CREB5: variants seen among roughly 807,000 people sequenced by gnomAD.
The protein encoded by CREB5 is cyclic AMP-responsive element-binding protein 5.
In CREB5, 19 loss-of-function variants were observed where a neutral mutation model predicts 57.1. The observed-to-expected ratio is 0.33, with a 90% CI of 0.23 to 0.49. CREB5 has a LOEUF of 0.49. CREB5 is among the 20% of genes least tolerant of loss of function. CREB5 has a pLI of 0.99. For missense variants in CREB5, 579 were observed against 671.6 expected (o/e 0.86, Z 1.52); for synonymous variants, 238 against 238.3 (o/e 1.00, Z 0.01).
intron 5 of CREB5, among the ~76,000 whole-genome samples, chr7:28,672,756 G>A (rs1379808793): frequency 1.3e-5 from 2 of 152,172 alleles, no homozygotes; most frequent in African/African-American, 4.8e-5. Flanking sequence ...ACTCAGAAGG[G>A]GGTCTGGAGT....
intron 1 of CREB5, among the ~76,000 whole-genome samples, chr7:28,371,605 C>G (rs1056713640): frequency 1.3e-5 from 2 of 152,186 alleles, no homozygotes; most frequent in Non-Finnish European, 2.9e-5. Flanking sequence ...CACCATGGCC[C>G]CAGCAGTCCT....
chr7:28,641,663 A>G (rs1041359884), intron 5 of CREB5, among the ~76,000 whole-genome samples: 1 of 152,064 alleles, frequency 6.6e-6, no homozygotes, highest in African/African-American at 2.4e-5. Context: ...TAGCTACATC[A>G]TTTTCTCTGC....
rs141357187 is a variant in CREB5, at chr7:28,646,801, T to A, written c.465-71952T>A. Among the ~76,000 whole-genome samples the A allele has an allele frequency of 5.3e-3, 812 of 152,268 alleles. 9 individuals carry two copies. Among genetic ancestry groups the A allele is most frequent in the Admixed American group, 9.2e-3 (140 of 15,282 alleles). ...AATCCTTTTGCAAATGAGATTTTTT[T>A]AAAATTGGGCTGCCACCATTATTTA... On this transcript the variant is annotated intron_variant, in intron 5 of 10. Transcript: ENST00000357727.
chr7:28,324,003 C>A (rs1450060748), intron 1 of CREB5, among the ~76,000 whole-genome samples: 1 of 152,096 alleles, frequency 6.6e-6, no homozygotes, highest in East Asian at 1.9e-4. Context: ...AATGCCCGTG[C>A]TGATCTGACA....
chr7:28,357,272 C>G (rs1786365604), intron 1 of CREB5, among the ~76,000 whole-genome samples: 3 of 152,202 alleles, frequency 2.0e-5, no homozygotes. Context: ...TGAAAAGCAG[C>G]TTCCTCTGGG....
intron 1 of CREB5, among the ~76,000 whole-genome samples, chr7:28,423,843 C>A (rs952841899): frequency 2.0e-5 from 3 of 152,166 alleles, no homozygotes; most frequent in Admixed American, 6.5e-5. Context: ...GAGAAAGGCA[C>A]CCCCTCCTCC....
intron 1 of CREB5, among the ~76,000 whole-genome samples, chr7:28,309,718 T>C (rs1036084642): frequency 2.0e-5 from 3 of 152,206 alleles, no homozygotes; most frequent in African/African-American, 7.2e-5. Context: ...TCATATCCTT[T>C]AGAAATGATG....
At chr7:28,435,960 T>A (rs1324886593) in intron 1 of CREB5, among the ~76,000 whole-genome samples, 1 of 152,166 alleles carries the variant, frequency 6.6e-6, no homozygotes, top group East Asian at 1.9e-4. Context: ...GTGTAACATT[T>A]CTCTGTCCAG....
At chr7:28,771,527 T>A (rs566522055) in intron 7 of CREB5, among the ~76,000 whole-genome samples, 5 of 152,188 alleles carry the variant, frequency 3.3e-5, no homozygotes, top group African/African-American at 1.2e-4. Flanking sequence ...CAGGGAGTCG[T>A]TGCATGAACA....
upstream of CREB5, chr7:28,410,018 T>C (rs1171502650): frequency 2.2e-6 from 1 of 450,892 alleles, no homozygotes; most frequent in Non-Finnish European, 4.5e-6. Flanking sequence ...GGAGAAAGTT[T>C]GCAAACTTCC....
At position 28,811,005 on chromosome 7, in the gene CREB5, T is replaced by A. The variant is rs112138921; in HGVS notation, c.1254+1591T>A. Among the ~76,000 whole-genome samples, 539 of 152,338 alleles carry A rather than the reference T, an allele frequency of 3.5e-3. 5 individuals are homozygous for A. The highest frequency in any genetic ancestry group is 0.012 in the African/African-American group (479 of 41,576). ...AAGAAACTGGGAAACATATAGCAGA[T>A]GTGAGGAAAATAAGATAATGATTCC... is the stretch of plus-strand genomic sequence containing the variant. On this transcript the variant is annotated intron_variant, in intron 9 of 10. Transcript: ENST00000357727.
chr7:28,541,536 C>T (rs757975967), intron 4 of CREB5, among the ~76,000 whole-genome samples: 5 of 151,864 alleles, frequency 3.3e-5, no homozygotes, highest in Admixed American at 6.6e-5. Flanking sequence ...GCGTGGTGGC[C>T]GATACCTGTA....
At chr7:28,793,546 G>A (rs1044077859) in intron 7 of CREB5, among the ~76,000 whole-genome samples, 10 of 152,198 alleles carry the variant, frequency 6.6e-5, no homozygotes, top group Non-Finnish European at 1.3e-4. Context: ...AGTCCCCTGA[G>A]GGCTTTTTAG....
chr7:28,315,295 A>G (rs1198826644), intron 1 of CREB5, among the ~76,000 whole-genome samples: 1 of 152,226 alleles, frequency 6.6e-6, no homozygotes, highest in East Asian at 1.9e-4. Context: ...GAATTTTGTT[A>G]AAAACAGACT....
At chr7:28,723,463 C>T (rs892366622) in intron 6 of CREB5, among the ~76,000 whole-genome samples, 4 of 152,162 alleles carry the variant, frequency 2.6e-5, no homozygotes, top group African/African-American at 9.7e-5. Flanking sequence ...AATGTGAGAG[C>T]GGCCATTCAT....
intron 5 of CREB5, among the ~76,000 whole-genome samples, chr7:28,639,916 A>G (rs1400588605): frequency 6.6e-6 from 1 of 152,196 alleles, no homozygotes; most frequent in Non-Finnish European, 1.5e-5. Flanking sequence ...CCTGCAAAAA[A>G]TGACGGCACA....
chr7:28,686,755 G>A (rs539812409), intron 5 of CREB5, among the ~76,000 whole-genome samples: 1 of 152,328 alleles, frequency 6.6e-6, no homozygotes, highest in Non-Finnish European at 1.5e-5. Flanking sequence ...ATTATCAATT[G>A]CAGTGACTGT....
At chr7:28,626,798 T>C (rs770653787) in intron 5 of CREB5, among the ~76,000 whole-genome samples, 2 of 152,180 alleles carry the variant, frequency 1.3e-5, no homozygotes, top group Non-Finnish European at 1.5e-5. Context: ...AGGCAAACTA[T>C]GTCTTACTCC....
intron 7 of CREB5, among the ~76,000 whole-genome samples, chr7:28,758,426 G>A (rs576145269): frequency 2.6e-5 from 4 of 152,266 alleles, no homozygotes; most frequent in East Asian, 1.9e-4. Context: ...TCAAGCCACC[G>A]ATTTGTTGGA....
Sources: gnomAD v4.1 joint callset for allele counts (sites outside exome capture counted in the v4.1 genomes callset) on GRCh38, gnomAD v4.1.1 for gene constraint, MANE v1.5 for transcripts, NCBI Gene and HGNC (gene_info 2026-07-23, HGNC 2026-07-21) for gene names.